The following CPLX4 variants were observed in gnomAD, a reference collection of about 807,000 sequenced individuals.
CPLX4 encodes the protein complexin-4.
CPLX4 carries 17 observed loss-of-function variants against 16.1 expected under a neutral mutation model. That is an observed-to-expected ratio of 1.06 (90% CI 0.72 to 1.59). CPLX4 has a LOEUF of 1.59. Ranked by LOEUF, CPLX4 falls within the 40% of genes most tolerant of loss-of-function variation. The pLI is 0.00. For synonymous variants in CPLX4, 55 were observed against 57.8 expected (o/e 0.95, Z 0.22); for missense variants, 193 against 192.9 (o/e 1.00, Z 0.00).
chr18:59,311,003 T>G (rs1193458865), intron 2 of CPLX4, among the ~76,000 whole-genome samples: 2 of 149,672 alleles, frequency 1.3e-5, no homozygotes, highest in African/African-American at 4.9e-5. Context: ...AAATTTCTGC[T>G]TCATCCCAAC....
In CPLX4 at chr18:59,314,139, G is replaced by C. The variant is rs559372962; in HGVS notation, c.168-1367C>G. On this transcript the variant is annotated intron_variant, in intron 1 of 2. Coordinates refer to ENST00000299721, the MANE Select transcript of CPLX4 (RefSeq NM_181654.4). ...ATCCACAGAATGTCAGGTCTGGAAC[G>C]GGCATGAGAGAACATCGGGTTCAAC... 1.4e-4 allele frequency among the ~76,000 whole-genome samples: 21 copies of C among 152,264 alleles called. 2 individuals are homozygous for C. The South Asian group carries it at 4.2e-3, about 30-fold the overall frequency.
At chr18:59,314,775 C>T (rs1368094570) in intron 1 of CPLX4, among the ~76,000 whole-genome samples, 1 of 152,202 alleles carries the variant, frequency 6.6e-6, no homozygotes, top group African/African-American at 2.4e-5. Context: ...TTGTGTAAGG[C>T]TTCTTTCACT....
intron 2 of CPLX4, among the ~76,000 whole-genome samples, chr18:59,303,461 C>T (rs971281493): frequency 1.3e-5 from 2 of 152,076 alleles, no homozygotes; most frequent in Non-Finnish European, 2.9e-5. Context: ...AGTGAGGTCT[C>T]GAGAGGTAAA....
intron 2 of CPLX4, among the ~76,000 whole-genome samples, chr18:59,311,052 G>A (rs2070613909): frequency 6.6e-6 from 1 of 151,744 alleles, no homozygotes; most frequent in Admixed American, 6.6e-5. Context: ...CAAGAGCAGA[G>A]GCCAGGGGCT....
rs929845710 is a variant in CPLX4, at chr18:59,295,445, C to T, written c.*1253G>A. Reference sequence around the variant, plus strand: ...TTGTTTTATTTGCTTAATTTTATTACATGAAACTTTTTGTACAACACATTT... The same window carrying T: ...TTGTTTTATTTGCTTAATTTTATTATATGAAACTTTTTGTACAACACATTT... On this transcript the variant is annotated 3_prime_UTR_variant, in exon 3 of 3. Transcript: ENST00000299721. 6.6e-6 allele frequency: 1 copy of T among 151,854 alleles called. No homozygotes were observed. Among genetic ancestry groups the T allele is most frequent in the Non-Finnish European group, 1.5e-5 (1 of 67,984 alleles). 9.4% of individuals were successfully genotyped at this position (151,854 alleles called of 1,614,324 possible).
chr18:59,307,833 C>A (rs2070587508), intron 2 of CPLX4, among the ~76,000 whole-genome samples: 1 of 150,342 alleles, frequency 6.7e-6, no homozygotes, highest in Non-Finnish European at 1.5e-5. Context: ...CTCACTGCAG[C>A]CTCTGCATCC....
At chr18:59,298,618 G>A (rs1349917676) in intron 2 of CPLX4, among the ~76,000 whole-genome samples, 2 of 152,136 alleles carry the variant, frequency 1.3e-5, no homozygotes, top group African/African-American at 4.8e-5. Context: ...CTGAGGTGGA[G>A]TTAAAGACAG....
intron 2 of CPLX4, among the ~76,000 whole-genome samples, chr18:59,297,719 T>G (rs569308997): frequency 1.4e-4 from 22 of 152,356 alleles, no homozygotes; most frequent in East Asian, 3.9e-4. Flanking sequence ...CCCACTCACC[T>G]GGTTGACCCC....
intron 2 of CPLX4, among the ~76,000 whole-genome samples, chr18:59,297,517 C>A (rs35842814): frequency 3.3e-5 from 5 of 152,066 alleles, no homozygotes; most frequent in Admixed American, 1.3e-4. Flanking sequence ...TGACCTCAGG[C>A]GATCCAACCA....
At chr18:59,308,773 G>T (rs1317211511) in intron 2 of CPLX4, among the ~76,000 whole-genome samples, 1 of 152,174 alleles carries the variant, frequency 6.6e-6, no homozygotes, top group Non-Finnish European at 1.5e-5. Context: ...GCATAGCCTG[G>T]GCAGACGTTA....
chr18:59,299,660 C>G (rs1251578636), intron 2 of CPLX4, among the ~76,000 whole-genome samples: 1 of 152,148 alleles, frequency 6.6e-6, no homozygotes, highest in Non-Finnish European at 1.5e-5. Context: ...TTCGTTTTAT[C>G]CTTGTGCTTC....
intron 2 of CPLX4, among the ~76,000 whole-genome samples, chr18:59,307,918 A>AT (rs1428674872): frequency 1.1e-4 from 16 of 146,446 alleles, no homozygotes; most frequent in Admixed American, 8.2e-4. Context: ...TGGCCGGCTA[A>AT]TTTTTTTTGC....
rs542808483 is a variant in CPLX4, at chr18:59,296,315, C to A, written c.*383G>T. ...CTCTCCACATTTCTCTCTGAAGGGA[C>A]CTGGTGTCCTGCGAATAGTTGGACA... On this transcript the variant is annotated 3_prime_UTR_variant, in exon 3 of 3. Coordinates refer to ENST00000299721, the MANE Select transcript of CPLX4 (RefSeq NM_181654.4). The A allele has an allele frequency of 2.8e-4, 76 of 268,084 alleles. No homozygotes were observed. Among genetic ancestry groups the A allele is most frequent in the African/African-American group, 1.6e-3 (67 of 42,646 alleles). 16.6% of individuals were successfully genotyped at this position (268,084 alleles called of 1,614,324 possible). A position where few individuals can be genotyped will look rare whatever the true frequency, so the allele number is the denominator to read the frequency against.
intron 2 of CPLX4, among the ~76,000 whole-genome samples, chr18:59,300,524 G>A (rs2070533607): frequency 1.3e-5 from 2 of 152,146 alleles, no homozygotes; most frequent in Admixed American, 1.3e-4. Context: ...TAAATTGCCT[G>A]AGTGAGCACA....
At chr18:59,312,603 C>G in intron 2 of CPLX4, 82 bp downstream of exon 2, 1 of 559,238 alleles carries the variant, frequency 1.8e-6, no homozygotes, top group Non-Finnish European at 3.2e-6. Flanking sequence ...TATTCAGGAA[C>G]ATGATCCTTT....
rs1431012418 is a variant in CPLX4, at chr18:59,295,789, CAGG to C, written c.*906_*908del. ...TCTAAAGGGGTGGGATGGGAAGGGACAGGAGAAGAAAAAAAAAAGAGAGATAGG... is the reference window on the plus strand; with the variant it reads ...TCTAAAGGGGTGGGATGGGAAGGGACAGAAGAAAAAAAAAAGAGAGATAGG... On this transcript the variant is annotated 3_prime_UTR_variant, in exon 3 of 3. Transcript: ENST00000299721. The C allele has an allele frequency of 6.8e-6, 1 of 146,682 alleles. No individual in the cohort carries two copies. The highest frequency in any genetic ancestry group is 2.5e-5 in the African/African-American group (1 of 39,488). The allele number at this position is 146,682 out of a possible 1,614,324, so 9.1% of individuals were successfully genotyped here. A position where few individuals can be genotyped will look rare whatever the true frequency, so the allele number is the denominator to read the frequency against.
chr18:59,316,066 T>A (rs2070649169), intron 1 of CPLX4, among the ~76,000 whole-genome samples: 1 of 152,242 alleles, frequency 6.6e-6, no homozygotes, highest in Non-Finnish European at 1.5e-5. Flanking sequence ...AAACAATTAC[T>A]GAATAAAACA....
At chr18:59,298,692 A>G (rs2070519665) in intron 2 of CPLX4, among the ~76,000 whole-genome samples, 1 of 152,206 alleles carries the variant, frequency 6.6e-6, no homozygotes, top group Admixed American at 6.5e-5. Context: ...AGAAAGAAAC[A>G]TCAGTTGTCT....
intron 2 of CPLX4, among the ~76,000 whole-genome samples, chr18:59,300,738 G>A (rs1327636265): frequency 6.6e-6 from 1 of 152,186 alleles, no homozygotes; most frequent in East Asian, 1.9e-4. Flanking sequence ...ACCTTCAGAG[G>A]TGGGCAGGGG....
Sources: gnomAD v4.1 joint callset for allele counts (sites outside exome capture counted in the v4.1 genomes callset) on GRCh38, gnomAD v4.1.1 for gene constraint, MANE v1.5 for transcripts, NCBI Gene and HGNC (gene_info 2026-07-23, HGNC 2026-07-21) for gene names.